DCC: variants seen among roughly 807,000 people sequenced by gnomAD.
DCC encodes netrin receptor DCC.
A neutral mutation model predicts 172.5 loss-of-function variants in DCC; 58 were observed. That is an observed-to-expected ratio of 0.34 (90% CI 0.27 to 0.42). The LOEUF (loss-of-function observed/expected upper bound fraction) is 0.42, where lower values mean the gene tolerates loss of function less well. DCC is among the 10% of genes least tolerant of loss of function. The probability of loss-of-function intolerance (pLI) is 1.00; values close to 1 mark genes in which losing one functional copy is unlikely to be tolerated. For missense variants in DCC, 1,740 were observed against 1,791.0 expected, an observed-to-expected ratio of 0.97 and a Z score of 0.51; for synonymous variants, 709 against 644.5, an observed-to-expected ratio of 1.10 and a Z score of -1.52.
intron 1 of DCC, among the ~76,000 whole-genome samples, chr18:52,674,301 G>A (rs79240782): frequency 0.045 from 6,913 of 152,140 alleles, 234 homozygotes; most frequent in South Asian, 0.16. Flanking sequence ...AGGTCTGAAG[G>A]TCTGAGAACC....
intron 12 of DCC, among the ~76,000 whole-genome samples, chr18:53,282,932 G>A (rs887501725): frequency 2.0e-5 from 3 of 152,058 alleles, no homozygotes; most frequent in Non-Finnish European, 4.4e-5. Flanking sequence ...AATGTTCTCT[G>A]GTGAATTTTG....
At chr18:52,718,103 T>C (rs182555208) in intron 1 of DCC, among the ~76,000 whole-genome samples, 4 of 152,316 alleles carry the variant, frequency 2.6e-5, no homozygotes, top group Admixed American at 6.5e-5. Flanking sequence ...GTTTGTCATC[T>C]GAATGTTGGC....
intron 1 of DCC, among the ~76,000 whole-genome samples, chr18:52,691,145 AG>A (rs1465976343): frequency 6.6e-6 from 1 of 152,166 alleles, no homozygotes; most frequent in African/African-American, 2.4e-5. Context: ...GTAGTGAAAG[AG>A]AAAGCTGTTG....
chr18:52,972,405 T>C (rs11873245), intron 5 of DCC, among the ~76,000 whole-genome samples: 5,357 of 152,228 alleles, frequency 0.035, 124 homozygotes, highest in African/African-American at 0.054. Flanking sequence ...TAGAATAATA[T>C]GGGCAGATAA....
intron 25 of DCC, among the ~76,000 whole-genome samples, chr18:53,482,701 A>G: frequency 7.1e-6 from 1 of 141,334 alleles, no homozygotes; most frequent in African/African-American, 2.6e-5. Context: ...TATTTAAAGG[A>G]GACTAACATT....
At chr18:52,996,040 G>A (rs912654022) in intron 5 of DCC, among the ~76,000 whole-genome samples, 9 of 151,906 alleles carry the variant, frequency 5.9e-5, no homozygotes, top group Admixed American at 5.3e-4. Flanking sequence ...ATTCAGAAGC[G>A]TTTCCATATT....
chr18:52,867,032 T>A lies in DCC; in HGVS notation c.413-39012T>A, dbSNP rs562404260. Among the ~76,000 whole-genome samples the A allele has an allele frequency of 1.6e-4, 24 of 152,326 alleles. No homozygotes were observed. In the East Asian group the frequency reaches 4.6e-3, roughly 29 times the overall value. On this transcript the variant is annotated intron_variant, in intron 2 of 28. Coordinates refer to ENST00000442544, the MANE Select transcript of DCC (RefSeq NM_005215.4). ...GCTGTGAGTCTGTCATAAATAGCTC[T>A]TATTATTTTGAGATACATTCCATCA...
At chr18:52,616,586 A>C (rs1362886410) in intron 1 of DCC, among the ~76,000 whole-genome samples, 1 of 152,174 alleles carries the variant, frequency 6.6e-6, no homozygotes, top group Non-Finnish European at 1.5e-5. Flanking sequence ...ACTGATAACT[A>C]TTCCAAGTAT....
chr18:52,497,102 A>G (rs2030786248), intron 1 of DCC, among the ~76,000 whole-genome samples: 1 of 151,048 alleles, frequency 6.6e-6, no homozygotes, highest in Non-Finnish European at 1.5e-5. Context: ...AGAAAATTAA[A>G]AAAAAATAAT....
At chr18:53,242,151 TAATC>T (rs749973397) in intron 12 of DCC, among the ~76,000 whole-genome samples, 19 of 152,228 alleles carry the variant, frequency 1.2e-4, no homozygotes, top group Non-Finnish European at 1.5e-4. Context: ...GACTGAGTCT[TAATC>T]AATCACTGGT....
At chr18:53,336,162 T>A (rs1190691166) in intron 14 of DCC, among the ~76,000 whole-genome samples, 2 of 152,222 alleles carry the variant, frequency 1.3e-5, no homozygotes, top group African/African-American at 4.8e-5. Context: ...GTGCTTCATA[T>A]GTGCAAGCAG....
intron 1 of DCC, among the ~76,000 whole-genome samples, chr18:52,440,201 G>A (rs2144493370): frequency 6.6e-6 from 1 of 152,084 alleles, no homozygotes; most frequent in African/African-American, 2.4e-5. Context: ...ATTCATCAGG[G>A]CCAGTTACAA....
chr18:53,448,376 A>G (rs1347794984), intron 22 of DCC, among the ~76,000 whole-genome samples: 1 of 152,164 alleles, frequency 6.6e-6, no homozygotes, highest in Non-Finnish European at 1.5e-5. Flanking sequence ...AGAAATGCTG[A>G]GCAAAAGGGG....
chr18:52,474,444 T>C lies in DCC; in HGVS notation c.91+133566T>C, dbSNP rs533265356. 2.2e-4 allele frequency among the ~76,000 whole-genome samples: 34 copies of C among 152,082 alleles called. 1 individual carries two copies. Among genetic ancestry groups the C allele is most frequent in the Non-Finnish European group, 7.4e-5 (5 of 67,994 alleles). Reference sequence around the variant, plus strand: ...TACCCTCTGCCTTCTCCAAGTCCCATTTGCTGATTTCAAGCCTGTCAGAGG... The same window carrying C: ...TACCCTCTGCCTTCTCCAAGTCCCACTTGCTGATTTCAAGCCTGTCAGAGG... On this transcript the variant is annotated intron_variant, in intron 1 of 28. Coordinates refer to ENST00000442544, the MANE Select transcript of DCC (RefSeq NM_005215.4).
chr18:52,474,318 T>C (rs2144567713), intron 1 of DCC, among the ~76,000 whole-genome samples: 1 of 151,974 alleles, frequency 6.6e-6, no homozygotes, highest in East Asian at 1.9e-4. Flanking sequence ...AGTAGGAGGC[T>C]GTCATTGGTG....
chr18:52,380,361 G>C (rs1054123749), intron 1 of DCC, among the ~76,000 whole-genome samples: 1 of 152,092 alleles, frequency 6.6e-6, no homozygotes, highest in Non-Finnish European at 1.5e-5. Flanking sequence ...TAAATTTCCT[G>C]TTTGGTGATT....
chr18:53,217,010 A>C (rs948137997), intron 12 of DCC, among the ~76,000 whole-genome samples: 2 of 152,072 alleles, frequency 1.3e-5, no homozygotes, highest in Non-Finnish European at 1.5e-5. Flanking sequence ...CTTGTTTAAC[A>C]ATTCATCATT....
At chr18:52,569,837 T>C (rs1176660751) in intron 1 of DCC, among the ~76,000 whole-genome samples, 4 of 152,194 alleles carry the variant, frequency 2.6e-5, no homozygotes, top group African/African-American at 7.2e-5. Context: ...CAATGTGTAT[T>C]ACATATCACT....
chr18:53,193,395 C>T (rs193049059), intron 9 of DCC, among the ~76,000 whole-genome samples: 332 of 152,270 alleles, frequency 2.2e-3, no homozygotes, highest in African/African-American at 7.5e-3. Flanking sequence ...AAATAGTTAA[C>T]ATTCATTGAG....
Sources: gnomAD v4.1 joint callset for allele counts (sites outside exome capture counted in the v4.1 genomes callset) on GRCh38, gnomAD v4.1.1 for gene constraint, MANE v1.5 for transcripts, NCBI Gene and HGNC (gene_info 2026-07-23, HGNC 2026-07-21) for gene names.